The following TTC17 variants were observed in gnomAD, a reference collection of about 807,000 sequenced individuals.
TTC17 encodes the protein tetratricopeptide repeat domain 17.
A neutral mutation model predicts 143.8 loss-of-function variants in TTC17; 58 were observed. That is an observed-to-expected ratio of 0.40 (90% CI 0.33 to 0.50). The LOEUF (loss-of-function observed/expected upper bound fraction) is 0.50, where lower values mean the gene tolerates loss of function less well. TTC17 is among the 20% of genes least tolerant of loss of function. TTC17 has a pLI of 0.49. For synonymous variants in TTC17, 501 were observed against 497.8 expected (o/e 1.01, Z -0.09); for missense variants, 1,273 against 1,392.5 (o/e 0.91, Z 1.37).
At chr11:43,488,126 G>C (rs1427249266) in intron 21 of TTC17, among the ~76,000 whole-genome samples, 1 of 152,146 alleles carries the variant, frequency 6.6e-6, no homozygotes, top group Admixed American at 6.5e-5. Flanking sequence ...GAAACTATTA[G>C]AAGATGAGCT....
At chr11:43,375,294 A>G (rs1277538157) in intron 1 of TTC17, among the ~76,000 whole-genome samples, 2 of 152,138 alleles carry the variant, frequency 1.3e-5, no homozygotes, top group African/African-American at 4.8e-5. Flanking sequence ...GGCTTCCCAT[A>G]TGGGGAAGGA....
chr11:43,476,095 AG>A (rs1470216586), intron 21 of TTC17, among the ~76,000 whole-genome samples: 32 of 152,338 alleles, frequency 2.1e-4, no homozygotes, highest in African/African-American at 7.5e-4. Flanking sequence ...TTTAGTCTCT[AG>A]ATTGTGGACT....
intron 5 of TTC17, among the ~76,000 whole-genome samples, chr11:43,394,405 G>A (rs1468376683): frequency 6.6e-6 from 1 of 152,166 alleles, no homozygotes. Context: ...GGCCACAACT[G>A]GAAATAGACC....
At position 43,397,354 on chromosome 11, in the gene TTC17, A is replaced by G. The variant is rs1857636467; in HGVS notation, c.781A>G (p.Lys261Glu). ...RALHFSSRHN[K>E]DIALVNLANV... ...ATGTGCTGCTTTCCTTAGGCACAAT[A>G]AAGACATTGCCCTGGTCAACCTGGC... Residue 261 changes from lysine (K) to glutamate (E), a missense_variant, in exon 7 of 24, where the codon AAA becomes GAA. This residue lies in a region of TTC17 where 325 missense variants were observed against 444.2 expected (regional missense o/e 0.73). Coordinates refer to ENST00000039989, the MANE Select transcript of TTC17 (RefSeq NM_018259.6). The G allele has an allele frequency of 6.2e-7, 1 of 1,609,432 alleles. No individual in the cohort carries two copies. Among genetic ancestry groups the G allele is most frequent in the South Asian group, 1.1e-5 (1 of 91,000 alleles).
intron 8 of TTC17, among the ~76,000 whole-genome samples, chr11:43,399,222 A>G (rs1373541894): frequency 6.6e-6 from 1 of 152,236 alleles, no homozygotes; most frequent in African/African-American, 2.4e-5. Context: ...AAAAGTGAAA[A>G]GGAGGAAAGG....
intron 1 of TTC17, among the ~76,000 whole-genome samples, chr11:43,372,787 A>G (rs1590315010): frequency 2.6e-5 from 4 of 152,136 alleles, no homozygotes; most frequent in African/African-American, 9.6e-5. Context: ...CACTGCGCCC[A>G]GCCAAAAGTT....
intron 22 of TTC17, 132 bp from the exon 23 acceptor site, chr11:43,491,888 A>G: frequency 1.6e-6 from 2 of 1,216,730 alleles, no homozygotes; most frequent in African/African-American, 1.5e-5. Flanking sequence ...CAAACAGCAC[A>G]AAAGCACTTT....
chr11:43,431,647 C>G (rs1224985967), intron 16 of TTC17, among the ~76,000 whole-genome samples: 1 of 152,226 alleles, frequency 6.6e-6, no homozygotes. Flanking sequence ...TTACCATGTG[C>G]TACGCAATGG....
At chr11:43,405,111 T>C (rs1418277239) in intron 11 of TTC17, among the ~76,000 whole-genome samples, 2 of 147,860 alleles carry the variant, frequency 1.4e-5, no homozygotes, top group South Asian at 2.1e-4. Flanking sequence ...TTTTTTTTTT[T>C]CTTCACTCTG....
At chr11:43,374,395 A>C (rs573426162) in intron 1 of TTC17, among the ~76,000 whole-genome samples, 12 of 152,302 alleles carry the variant, frequency 7.9e-5, no homozygotes, top group Admixed American at 3.3e-4. Flanking sequence ...CCCCAAAAGC[A>C]ATTGCAACAA....
intron 5 of TTC17, among the ~76,000 whole-genome samples, chr11:43,392,448 C>T (rs1040776441): frequency 1.3e-5 from 2 of 152,092 alleles, no homozygotes; most frequent in Non-Finnish European, 2.9e-5. Context: ...TCAGGATTAA[C>T]GTGGGCATTT....
Position 43,462,921 on chromosome 11 carries a change from C to CTTTTTTTTTTTTTTTTTT in TTC17, c.3030+11668_3030+11669insTTTTTTTTTTTTTTTTTT, listed in dbSNP as rs562594929. Among the ~76,000 whole-genome samples, 126 of 117,738 alleles carry CTTTTTTTTTTTTTTTTTT rather than the reference C, an allele frequency of 1.1e-3. 27 individuals are homozygous for CTTTTTTTTTTTTTTTTTT. The highest frequency in any genetic ancestry group is 4.8e-3 in the African/African-American group (119 of 24,752). 77.2% of individuals were successfully genotyped at this position (117,738 alleles called of 152,430 possible). On this transcript the variant is annotated intron_variant, in intron 21 of 23. Transcript: ENST00000039989. ...CACTGAATCCAGCAGTGACAAAATT[C>CTTTTTTTTTTTTTTTTTT]TTTTTTTTTTTTGAGACAGAGTCTC...
rs578130628 is a variant in TTC17 at position 43,432,523 on chromosome 11, C to A, written c.2252-10802C>A. Among the ~76,000 whole-genome samples, 8 of 152,322 alleles carry A rather than the reference C, an allele frequency of 5.3e-5. No homozygotes were observed. The East Asian group carries it at 1.5e-3, about 29-fold the overall frequency. On this transcript the variant is annotated intron_variant, in intron 16 of 23. Coordinates refer to ENST00000039989, the MANE Select transcript of TTC17 (RefSeq NM_018259.6). ...ACAGAAAAGTGTTTTCCATTTTCAC[C>A]TGGGACCTCGTTACCTAAAGCATTT...
At chr11:43,415,827 G>T (rs1946765652) in intron 16 of TTC17, among the ~76,000 whole-genome samples, 1 of 152,116 alleles carries the variant, frequency 6.6e-6, no homozygotes, top group South Asian at 2.1e-4. Context: ...ATATACCTCT[G>T]TAGCTCAGTT....
intron 22 of TTC17, chr11:43,490,825 TG>T: frequency 7.6e-6 from 1 of 131,702 alleles, no homozygotes; most frequent in East Asian, 2.4e-4. Flanking sequence ...GGCCAGTTCC[TG>T]GTCCTTGTCT....
chr11:43,413,409 T>G (rs1204567467), intron 15 of TTC17, among the ~76,000 whole-genome samples: 3 of 152,096 alleles, frequency 2.0e-5, no homozygotes, highest in African/African-American at 7.2e-5. Flanking sequence ...TAGGAGAAAG[T>G]CTTTATGACC....
intron 16 of TTC17, among the ~76,000 whole-genome samples, chr11:43,431,555 C>T (rs1380271022): frequency 6.6e-6 from 1 of 152,176 alleles, no homozygotes; most frequent in African/African-American, 2.4e-5. Context: ...ACTAAAAGGC[C>T]TTATTTTAAA....
At chr11:43,387,623 G>A (rs1319543809) in intron 2 of TTC17, among the ~76,000 whole-genome samples, 2 of 152,190 alleles carry the variant, frequency 1.3e-5, no homozygotes, top group Non-Finnish European at 2.9e-5. Flanking sequence ...CAGGACCTAG[G>A]CCGACAGAGC....
In TTC17 at chr11:43,430,042, A is replaced by G. The variant is rs569626325; in HGVS notation, c.2252-13283A>G. 1.3e-5 allele frequency among the ~76,000 whole-genome samples: 2 copies of G among 152,348 alleles called. 1 individual carries two copies. Among genetic ancestry groups the G allele is most frequent in the African/African-American group, 4.8e-5 (2 of 41,572 alleles). Reference sequence around the variant, plus strand: ...TCAGTTTATTATTTATGTCTTAGAAATTAGTTTTATAATAAATTGCATGGG... The same window carrying G: ...TCAGTTTATTATTTATGTCTTAGAAGTTAGTTTTATAATAAATTGCATGGG... On this transcript the variant is annotated intron_variant, in intron 16 of 23. Coordinates refer to ENST00000039989, the MANE Select transcript of TTC17 (RefSeq NM_018259.6).
Sources: allele counts gnomAD v4.1 joint callset (sites outside exome capture counted in the v4.1 genomes callset), GRCh38; gene constraint gnomAD v4.1.1; regional missense constraint gnomAD v4.1.1; transcripts MANE v1.5; gene names NCBI Gene and HGNC (gene_info 2026-07-23, HGNC 2026-07-21).